The following SLC25A46 variants were observed in gnomAD, a reference collection of about 807,000 sequenced individuals.
SLC25A46 encodes the protein mitochondrial outer membrane protein SLC25A46.
Under a neutral mutation model 44.6 loss-of-function variants are expected in SLC25A46, and 39 were observed. The observed-to-expected ratio is 0.87, with a 90% CI of 0.68 to 1.14. SLC25A46 has a LOEUF of 1.14. SLC25A46 is among the 50% of genes most tolerant of loss of function. The probability of loss-of-function intolerance (pLI) is 0.00; values close to 1 mark genes in which losing one functional copy is unlikely to be tolerated. For synonymous variants in SLC25A46, 202 were observed against 185.8 expected, an observed-to-expected ratio of 1.09 and a Z score of -0.71; for missense variants, 547 against 522.7, an observed-to-expected ratio of 1.05 and a Z score of -0.45.
intron 3 of SLC25A46, among the ~76,000 whole-genome samples, chr5:110,744,319 G>A (rs538139497): frequency 3.3e-5 from 5 of 152,196 alleles, no homozygotes; most frequent in East Asian, 1.9e-4. Flanking sequence ...TCACTGTGTC[G>A]CAGTTTCTTA....
At chr5:110,738,806 T>G (rs915607649), upstream of SLC25A46, 54 of 487,536 alleles carry the variant, frequency 1.1e-4, no homozygotes, top group Middle Eastern at 5.6e-4. Context: ...CCTACACCAG[T>G]TCTCTTTCTG....
At chr5:110,746,849 G>C (rs1799832590) in intron 4 of SLC25A46, among the ~76,000 whole-genome samples, 1 of 152,162 alleles carries the variant, frequency 6.6e-6, no homozygotes, top group Admixed American at 6.5e-5. Flanking sequence ...GACAAAGAGA[G>C]ATCATAATGT....
Position 110,757,364 on chromosome 5 carries a change from A to G in SLC25A46, c.678+605A>G, listed in dbSNP as rs79175467. ...AATTAAATGTCTTACCCTCCTTCCTACACTTAAAACTGTAAGATGAAGGTA... is the reference window on the plus strand; with the variant it reads ...AATTAAATGTCTTACCCTCCTTCCTGCACTTAAAACTGTAAGATGAAGGTA... On this transcript the variant is annotated intron_variant, in intron 7 of 7. Coordinates refer to ENST00000355943, the MANE Select transcript of SLC25A46 (RefSeq NM_138773.4). 1.8e-4 allele frequency among the ~76,000 whole-genome samples: 28 copies of G among 152,192 alleles called. No individual in the cohort carries two copies. The East Asian group carries it at 5.2e-3, about 28-fold the overall frequency.
intron 5 of SLC25A46, among the ~76,000 whole-genome samples, chr5:110,748,559 T>C (rs1383521822): frequency 6.6e-6 from 1 of 152,070 alleles, no homozygotes; most frequent in African/African-American, 2.4e-5. Context: ...TAAAATTAAT[T>C]ATATATTATT....
At chr5:110,756,903 G>A (rs1037036769) in intron 7 of SLC25A46, 144 bp downstream of exon 7, 14 of 460,052 alleles carry the variant, frequency 3.0e-5, no homozygotes, top group African/African-American at 1.0e-4. Flanking sequence ...CAGTTATATC[G>A]CACGTTGCTT....
chr5:110,761,423 G>C lies in SLC25A46; in HGVS notation c.898G>C (p.Ala300Pro). Residue 300 changes from alanine (A) to proline (P), a missense_variant, in exon 8 of 8, where the codon GCT becomes CCT. By Grantham distance (27) the Ala-to-Pro change is conservative. Transcript: ENST00000355943. This position sits in a 1 kb window ranked among gnomAD's most constrained non-coding sequence, Gnocchi z 5.3. ...GAGAAAGACTTACAATAGCCACCTA[G>C]CTGAGAGCACTAGCCCTGTGCAGAG... ...LKRKTYNSHL[A>P]ESTSPVQSML... 6.2e-7 allele frequency: 1 copy of C among 1,613,692 alleles called. No homozygotes were observed. The highest frequency in any genetic ancestry group is 8.5e-7 in the Non-Finnish European group (1 of 1,179,772).
chr5:110,755,933 C>T (rs372996395), intron 6 of SLC25A46: 3 of 152,772 alleles, frequency 2.0e-5, no homozygotes, highest in African/African-American at 7.2e-5. Flanking sequence ...AGTGATTTTA[C>T]AACGGTAACC....
chr5:110,749,079 C>T (rs1799891574), intron 5 of SLC25A46, among the ~76,000 whole-genome samples: 1 of 152,038 alleles, frequency 6.6e-6, no homozygotes, highest in Non-Finnish European at 1.5e-5. Flanking sequence ...GCTGGCTAGA[C>T]ATTTCTGAAG....
chr5:110,756,672 A>G, intron 6 of SLC25A46, 30 bp from the exon 7 acceptor site: 2 of 1,482,516 alleles, frequency 1.3e-6, no homozygotes, highest in Non-Finnish European at 1.8e-6. Flanking sequence ...TTGTTTCAGT[A>G]TACTGATAAA....
At chr5:110,754,964 A>G (rs1424246113) in intron 5 of SLC25A46, 2 of 152,440 alleles carry the variant, frequency 1.3e-5, no homozygotes, top group Non-Finnish European at 2.9e-5. Flanking sequence ...AGGTGCTCAC[A>G]AAGATAATAG....
chr5:110,745,493 T>G (rs1000907313), intron 3 of SLC25A46: 1 of 152,312 alleles, frequency 6.6e-6, no homozygotes, highest in South Asian at 2.1e-4. Context: ...GACCTCATGA[T>G]CCGCCCGCCT....
In SLC25A46 at chr5:110,761,566, C is replaced by T. The variant is rs1349378913; in HGVS notation, c.1041C>T (p.Arg347=). 1.2e-6 allele frequency: 2 copies of T among 1,613,754 alleles called. No homozygotes were observed. Among genetic ancestry groups the T allele is most frequent in the Non-Finnish European group, 8.5e-7 (1 of 1,179,804 alleles). ...VLHRLHIQGT[R]TIIDNTDLGY... The stretch of plus-strand genomic sequence containing the variant: ...ACCGCCTTCACATTCAAGGAACACG[C>T]ACAATAATTGACAATACAGACCTTG... Residue 347 remains arginine, a synonymous_variant, in exon 8 of 8, where the codon CGC becomes CGT. Coordinates refer to ENST00000355943, the MANE Select transcript of SLC25A46 (RefSeq NM_138773.4). This position sits in a 1 kb window ranked among gnomAD's most constrained non-coding sequence, Gnocchi z 5.3.
At position 110,742,005 on chromosome 5, in the gene SLC25A46, T is replaced by C. The variant is rs553375128; in HGVS notation, c.284-42T>C. On this transcript the variant is annotated intron_variant, in intron 1 of 7. Coordinates refer to ENST00000355943, the MANE Select transcript of SLC25A46 (RefSeq NM_138773.4). ...AACCTAAATTGTCAGTAATTGGTTATCAGTAATCTTATTTTTTTATTTCTA... is the reference window on the plus strand; with the variant it reads ...AACCTAAATTGTCAGTAATTGGTTACCAGTAATCTTATTTTTTTATTTCTA... 9.9e-6 allele frequency: 13 copies of C among 1,316,414 alleles called. No homozygotes were observed. The African/African-American group carries it at 1.2e-4, about 12-fold the overall frequency. The allele number at this position is 1,316,414 out of a possible 1,614,324, so 81.5% of individuals were successfully genotyped here. A position where few individuals can be genotyped will look rare whatever the true frequency, so the allele number is the denominator to read the frequency against.
intron 5 of SLC25A46, among the ~76,000 whole-genome samples, chr5:110,751,173 A>G (rs997841643): frequency 7.9e-5 from 12 of 152,190 alleles, no homozygotes; most frequent in Non-Finnish European, 4.4e-5. Context: ...GTTCTGTGCT[A>G]AAAACCGGGT....
At chr5:110,756,341 GAA>G (rs1800112005) in intron 6 of SLC25A46, among the ~76,000 whole-genome samples, 1 of 151,668 alleles carries the variant, frequency 6.6e-6, no homozygotes, top group Non-Finnish European at 1.5e-5. Context: ...GATAGTAACA[GAA>G]AAGTTACTTG....
In SLC25A46 at chr5:110,739,328, C is replaced by A. The variant is rs904962071; in HGVS notation, c.209C>A (p.Ser70Tyr). ...CCGCCCTACGGCGTGCCCACCACCT[C>A]CACCCCGTACGAAGGCCCCACGGAG... ...KSPPYGVPTT[S>Y]TPYEGPTEEP... Residue 70 changes from serine (S) to tyrosine (Y), a missense_variant, in exon 1 of 8, where the codon TCC becomes TAC. By Grantham distance (144) the Ser-to-Tyr change is moderately radical (BLOSUM62 -2). Transcript: ENST00000355943. 6.4e-7 allele frequency: 1 copy of A among 1,565,784 alleles called. No individual in the cohort carries two copies. Among genetic ancestry groups the A allele is most frequent in the Non-Finnish European group, 8.7e-7 (1 of 1,155,880 alleles).
intron 7 of SLC25A46, among the ~76,000 whole-genome samples, chr5:110,757,245 T>C (rs1800139802): frequency 6.6e-6 from 1 of 152,160 alleles, no homozygotes; most frequent in Non-Finnish European, 1.5e-5. Flanking sequence ...GTGTGGTAAA[T>C]ACTACAAAGC....
intron 5 of SLC25A46, among the ~76,000 whole-genome samples, chr5:110,752,746 A>G (rs1217371609): frequency 6.6e-6 from 1 of 152,194 alleles, no homozygotes; most frequent in Non-Finnish European, 1.5e-5. Context: ...GCATTTTCAG[A>G]TCTTTTATCA....
chr5:110,746,207 T>C lies in SLC25A46; in HGVS notation c.385-62T>C, dbSNP rs1467791936. On this transcript the variant is annotated intron_variant, in intron 3 of 7. Transcript: ENST00000355943. The stretch of plus-strand genomic sequence containing the variant: ...CTGCAATTCCACCATATTTCTTTCA[T>C]GGCTCTGTTATTTCTTGACAAAACA... The C allele has an allele frequency of 7.0e-6, 9 of 1,284,336 alleles. No homozygotes were observed. The Admixed American group carries it at 1.9e-4, about 27-fold the overall frequency. 79.6% of individuals were successfully genotyped at this position (1,284,336 alleles called of 1,614,324 possible). A position where few individuals can be genotyped will look rare whatever the true frequency, so the allele number is the denominator to read the frequency against.
Sources: allele counts gnomAD v4.1 joint callset (sites outside exome capture counted in the v4.1 genomes callset), GRCh38; gene constraint gnomAD v4.1.1; non-coding constraint Gnocchi (gnomAD v3.1); transcripts MANE v1.5; gene names NCBI Gene and HGNC (gene_info 2026-07-23, HGNC 2026-07-21).